Variants in TUSC3 observed in about 807,000 individuals in gnomAD.
TUSC3 encodes the protein dolichyl-diphosphooligosaccharide--protein glycosyltransferase subunit TUSC3.
TUSC3 carries 45 observed loss-of-function variants against 44.8 expected under a neutral mutation model. That is an observed-to-expected ratio of 1.00 (90% CI 0.79 to 1.29). The LOEUF (loss-of-function observed/expected upper bound fraction) is 1.29. Ranked by LOEUF, TUSC3 falls within the 50% of genes most tolerant of loss-of-function variation. The pLI is 0.00. For synonymous variants in TUSC3, 212 were observed against 152.9 expected, an observed-to-expected ratio of 1.39 and a Z score of -2.85; for missense variants, 519 against 437.9, an observed-to-expected ratio of 1.19 and a Z score of -1.65.
the TUSC3 span, among the ~76,000 whole-genome samples, chr8:15,779,630 GA>G: frequency 6.6e-6 from 1 of 152,138 alleles, no homozygotes; most frequent in African/African-American, 2.4e-5. Flanking sequence ...CTGAAAAGAG[GA>G]AGAGTAAAAA....
chr8:15,715,272 C>T (rs75279563), intron 6 of TUSC3, among the ~76,000 whole-genome samples: 6,007 of 152,150 alleles, frequency 0.039, 345 homozygotes, highest in African/African-American at 0.13. Context: ...AAGAGATGAA[C>T]AGCAATAATT....
chr8:15,442,907 C>G (rs1411248921), intron 1 of TUSC3, among the ~76,000 whole-genome samples: 1 of 152,106 alleles, frequency 6.6e-6, no homozygotes, highest in East Asian at 1.9e-4. Flanking sequence ...TCAAGTTTCT[C>G]TCCCCCGACT....
At chr8:15,466,665 G>T (rs1800418460) in intron 1 of TUSC3, among the ~76,000 whole-genome samples, 1 of 152,118 alleles carries the variant, frequency 6.6e-6, no homozygotes, top group African/African-American at 2.4e-5. Context: ...TTTTGCATTT[G>T]TCTGAACAGT....
At chr8:15,669,849 C>G (rs956641528) in intron 5 of TUSC3, among the ~76,000 whole-genome samples, 14 of 151,410 alleles carry the variant, frequency 9.2e-5, no homozygotes, top group African/African-American at 2.9e-4. Context: ...ACAAAAAACC[C>G]ACACACATCC....
rs1563247134 is a variant in TUSC3, at chr8:15,423,969, G to GTTTTTGTTTTGTTT, written n.91+6669_91+6670insGTTTTGTTTTTTTT. Among the ~76,000 whole-genome samples the GTTTTTGTTTTGTTT allele has an allele frequency of 1.2e-3, 82 of 70,392 alleles. 24 individuals are homozygous for GTTTTTGTTTTGTTT. Among genetic ancestry groups the GTTTTTGTTTTGTTT allele is most frequent in the African/African-American group, 1.6e-3 (40 of 24,494 alleles). 46.2% of individuals were successfully genotyped at this position (70,392 alleles called of 152,430 possible). A position where few individuals can be genotyped will look rare whatever the true frequency, so the allele number is the denominator to read the frequency against. On this transcript the variant is annotated intron_variant and non_coding_transcript_variant, in intron 1 of 5. Transcript: ENST00000503191. ...TACAGCATTCATACTGTTTTGCTTT[G>GTTTTTGTTTTGTTT]TTTTTTTTTTTTTTTTTTTTTTTTT...
rs192574909 is a variant in TUSC3 at position 15,676,462 on chromosome 8, G to A, written c.798+2626G>A. On this transcript the variant is annotated intron_variant, in intron 6 of 10. Coordinates refer to ENST00000503731, the MANE Select transcript of TUSC3 (RefSeq NM_006765.4). ...TGATAGTTTCTTTTGCTGTGCCAAA[G>A]CCTTTTAGTTTAATTAGGTCCCACT... 1.8e-4 allele frequency among the ~76,000 whole-genome samples: 28 copies of A among 152,248 alleles called. No homozygotes were observed. The East Asian group carries it at 5.2e-3, about 28-fold the overall frequency.
At chr8:15,707,935 G>A (rs554005544) in intron 6 of TUSC3, among the ~76,000 whole-genome samples, 8 of 151,868 alleles carry the variant, frequency 5.3e-5, no homozygotes, top group Admixed American at 4.6e-4. Flanking sequence ...AATTGCTAGC[G>A]TTCCTTGGCT....
intron 2 of TUSC3, among the ~76,000 whole-genome samples, chr8:15,505,211 C>T (rs1276219300): frequency 1.3e-5 from 2 of 152,144 alleles, no homozygotes; most frequent in Non-Finnish European, 2.9e-5. Flanking sequence ...GCCGCAGCAA[C>T]TTCTGGATGA....
chr8:15,611,594 G>T (rs896971170), intron 1 of TUSC3, among the ~76,000 whole-genome samples: 4 of 152,042 alleles, frequency 2.6e-5, no homozygotes, highest in Non-Finnish European at 5.9e-5. Context: ...TAACCTCTTG[G>T]AATTTTTGCT....
At chr8:15,774,076 A>C in the TUSC3 span, among the ~76,000 whole-genome samples, 2 of 152,184 alleles carry the variant, frequency 1.3e-5, no homozygotes, top group Non-Finnish European at 2.9e-5. Flanking sequence ...TTGTGCATTA[A>C]AAGCACTATG....
chr8:15,815,442 T>G, the TUSC3 span, among the ~76,000 whole-genome samples: 32 of 151,718 alleles, frequency 2.1e-4, no homozygotes, highest in Non-Finnish European at 3.2e-4. Context: ...AAGAAGTAGA[T>G]GTGCTTTCAT....
chr8:15,686,966 G>C (rs796927149), intron 6 of TUSC3, among the ~76,000 whole-genome samples: 2 of 152,094 alleles, frequency 1.3e-5, no homozygotes, highest in Non-Finnish European at 2.9e-5. Flanking sequence ...CCAGCTACTC[G>C]GGAGGCTGAG....
chr8:15,746,586 A>C (rs1811425349), intron 8 of TUSC3, among the ~76,000 whole-genome samples: 1 of 151,890 alleles, frequency 6.6e-6, no homozygotes, highest in Non-Finnish European at 1.5e-5. Flanking sequence ...CAAGTACTTG[A>C]GTAGCATTAT....
intron 6 of TUSC3, among the ~76,000 whole-genome samples, chr8:15,701,655 G>T (rs969288061): frequency 6.6e-6 from 1 of 152,090 alleles, no homozygotes; most frequent in South Asian, 2.1e-4. Context: ...GAAAAACTTT[G>T]CAGTGTTTCA....
chr8:15,475,908 C>A (rs1037425941), intron 1 of TUSC3, among the ~76,000 whole-genome samples: 2 of 152,048 alleles, frequency 1.3e-5, no homozygotes, highest in African/African-American at 2.4e-5. Flanking sequence ...TTAGATTGTT[C>A]CAACAAGAAT....
At chr8:15,646,158 A>C in intron 2 of TUSC3, among the ~76,000 whole-genome samples, 1 of 152,146 alleles carries the variant, frequency 6.6e-6, no homozygotes, top group East Asian at 1.9e-4. Flanking sequence ...TAGTGATTTG[A>C]AGTGACTTCC....
chr8:15,473,548 A>G (rs558949864), intron 1 of TUSC3, among the ~76,000 whole-genome samples: 2 of 152,328 alleles, frequency 1.3e-5, no homozygotes, highest in African/African-American at 4.8e-5. Context: ...TCTATTTTCC[A>G]TAAGTGTCGG....
chr8:15,830,669 A>C, the TUSC3 span, among the ~76,000 whole-genome samples: 39 of 152,328 alleles, frequency 2.6e-4, no homozygotes, highest in African/African-American at 9.4e-4. Context: ...CAGAAAATTA[A>C]ATACTGCATA....
At chr8:15,814,202 G>A in the TUSC3 span, among the ~76,000 whole-genome samples, 3 of 152,112 alleles carry the variant, frequency 2.0e-5, no homozygotes, top group Non-Finnish European at 4.4e-5. Context: ...TGACTTACCT[G>A]TAGTTATATT....
Sources: gnomAD v4.1 joint callset for allele counts (sites outside exome capture counted in the v4.1 genomes callset) on GRCh38, gnomAD v4.1.1 for gene constraint, MANE v1.5 for transcripts, NCBI Gene and HGNC (gene_info 2026-07-23, HGNC 2026-07-21) for gene names.